The following CEP63 variants were observed in gnomAD, a reference collection of about 807,000 sequenced individuals.
The protein encoded by CEP63 is centrosomal protein 63.
A neutral mutation model predicts 89.1 loss-of-function variants in CEP63; 84 were observed. The observed-to-expected ratio is 0.94, with a 90% CI of 0.79 to 1.13. CEP63 has a LOEUF of 1.13. Ranked by LOEUF, CEP63 falls within the 50% of genes most tolerant of loss-of-function variation. The pLI is 0.00. For synonymous variants in CEP63, 267 were observed against 272.5 expected (o/e 0.98, Z 0.20); for missense variants, 838 against 813.3 (o/e 1.03, Z -0.37).
At chr3:134,523,640 T>C (rs1947989450) in intron 3 of CEP63, among the ~76,000 whole-genome samples, 1 of 152,194 alleles carries the variant, frequency 6.6e-6, no homozygotes, top group East Asian at 1.9e-4. Flanking sequence ...GTTTATTGAA[T>C]AGGGAGTCCT....
chr3:134,694,707 CA>C, the CEP63 span, among the ~76,000 whole-genome samples: 5 of 152,194 alleles, frequency 3.3e-5, no homozygotes, highest in Non-Finnish European at 7.3e-5. Context: ...AGTGTGGTCT[CA>C]TTTTGCTCTT....
the CEP63 span, among the ~76,000 whole-genome samples, chr3:134,766,895 C>G: frequency 6.6e-6 from 1 of 152,352 alleles, no homozygotes; most frequent in East Asian, 1.9e-4. Flanking sequence ...CTGAACCCCC[C>G]TGACCAACCC....
rs1935180462 is a variant in CEP63 at position 134,486,104 on chromosome 3, A to G, written c.-124A>G. 4 of 985,360 alleles carry G rather than the reference A, an allele frequency of 4.1e-6. No homozygotes were observed. The highest frequency in any genetic ancestry group is 3.6e-6 in the Non-Finnish European group (3 of 830,036). 61.0% of individuals were successfully genotyped at this position (985,360 alleles called of 1,614,324 possible). A position where few individuals can be genotyped will look rare whatever the true frequency, so the allele number is the denominator to read the frequency against. On this transcript the variant is annotated 5_prime_UTR_variant, in exon 1 of 15. Coordinates refer to ENST00000675561, the MANE Select transcript of CEP63 (RefSeq NM_001353108.3). ...GAAGTCTGGAGAAGGCATTGTTTCA[A>G]TTATTAAAAGTGTGGGGGCAGTGGG...
the CEP63 span, chr3:134,604,484 G>T: frequency 6.3e-7 from 1 of 1,595,064 alleles, no homozygotes; most frequent in Non-Finnish European, 8.6e-7. Flanking sequence ...ACTGAGGAGA[G>T]AAAGTCAGGG....
intron 8 of CEP63, 105 bp from the exon 9 acceptor site, chr3:134,547,230 G>A (rs1953575471): frequency 9.6e-7 from 1 of 1,039,780 alleles, no homozygotes; most frequent in Non-Finnish European, 1.5e-6. Flanking sequence ...AACTTGAAGA[G>A]TTCCAAAGAG....
intron 6 of CEP63, among the ~76,000 whole-genome samples, chr3:134,538,612 C>CT (rs1366494379): frequency 6.9e-6 from 1 of 144,436 alleles, no homozygotes; most frequent in African/African-American, 2.5e-5. Flanking sequence ...GAGATGAGGT[C>CT]TTGCTGCATT....
the CEP63 span, among the ~76,000 whole-genome samples, chr3:134,635,899 A>G: frequency 6.6e-6 from 1 of 152,154 alleles, no homozygotes; most frequent in African/African-American, 2.4e-5. Context: ...TAGTAAACAT[A>G]TTTTTCATAA....
the CEP63 span, among the ~76,000 whole-genome samples, chr3:134,752,325 C>A: frequency 6.6e-6 from 1 of 152,128 alleles, no homozygotes; most frequent in African/African-American, 2.4e-5. Flanking sequence ...CCAGGTGTGG[C>A]CATTACCACA....
the CEP63 span, among the ~76,000 whole-genome samples, chr3:134,703,159 G>A: frequency 4.6e-5 from 7 of 151,882 alleles, no homozygotes; most frequent in Admixed American, 3.3e-4. Context: ...AGCCAGGCGT[G>A]GTGGTGGGTG....
intron 10 of CEP63, among the ~76,000 whole-genome samples, chr3:134,585,173 G>A (rs556733209): frequency 3.9e-5 from 6 of 151,940 alleles, no homozygotes; most frequent in African/African-American, 1.4e-4. Flanking sequence ...AGGGATTTTT[G>A]TGTCCCTATC....
the CEP63 span, among the ~76,000 whole-genome samples, chr3:134,642,471 C>T: frequency 2.6e-5 from 4 of 152,204 alleles, no homozygotes; most frequent in African/African-American, 9.7e-5. Flanking sequence ...AACCTGGCCT[C>T]CTGTCACCAT....
the CEP63 span, among the ~76,000 whole-genome samples, chr3:134,614,598 A>G: frequency 2.6e-5 from 4 of 152,144 alleles, no homozygotes; most frequent in Admixed American, 2.0e-4. Flanking sequence ...GCAGAAGGCA[A>G]TGTCATTACC....
In CEP63 at chr3:134,546,234, A is replaced by C. The variant is rs960269083; in HGVS notation, c.875A>C (p.Lys292Thr). The change falls in exon 8 of 15, where the codon AAG (lysine) becomes ACG (threonine). Residue 292 changes from lysine (K) to threonine (T), a missense_variant. Lys to Thr is a moderately conservative substitution (Grantham distance 78). Coordinates refer to ENST00000675561, the MANE Select transcript of CEP63 (RefSeq NM_001353108.3). Reference protein sequence around the residue: ...LIHEARIQKEKLQEKVKATNT... With the variant: ...LIHEARIQKETLQEKVKATNT... ...CATGAGGCCAGAATACAAAAGGAGA[A>C]GTTACAAGAAAAAGTAAAGGCAACT... 1.2e-6 allele frequency: 2 copies of C among 1,613,808 alleles called. No individual in the cohort carries two copies. The highest frequency in any genetic ancestry group is 1.3e-5 in the African/African-American group (1 of 74,932).
chr3:134,522,850 G>A (rs1947776975), intron 3 of CEP63, among the ~76,000 whole-genome samples: 1 of 152,160 alleles, frequency 6.6e-6, no homozygotes, highest in Admixed American at 6.6e-5. Context: ...TGTGAATAGT[G>A]CTGCGGTGAA....
chr3:134,652,200 T>C, the CEP63 span, among the ~76,000 whole-genome samples: 48 of 152,214 alleles, frequency 3.2e-4, no homozygotes, highest in African/African-American at 1.1e-3. Context: ...CTCACATGGC[T>C]GTTGTGAGAA....
chr3:134,607,587 C>T, the CEP63 span: 12 of 985,498 alleles, frequency 1.2e-5, no homozygotes, highest in Non-Finnish European at 1.4e-5. Context: ...GCTGTGTGCC[C>T]AGCACTGGAT....
At chr3:134,493,441 G>A (rs1193950071) in intron 1 of CEP63, among the ~76,000 whole-genome samples, 1 of 151,722 alleles carries the variant, frequency 6.6e-6, no homozygotes, top group Non-Finnish European at 1.5e-5. Flanking sequence ...TAGTTGGACT[G>A]TATTGTGATT....
At chr3:134,718,838 G>A in the CEP63 span, among the ~76,000 whole-genome samples, 3 of 152,124 alleles carry the variant, frequency 2.0e-5, no homozygotes, top group African/African-American at 7.2e-5. Context: ...CACTTTCCTC[G>A]CTGGGATGGA....
At chr3:134,513,818 G>A (rs1226512627) in intron 3 of CEP63, among the ~76,000 whole-genome samples, 2 of 152,132 alleles carry the variant, frequency 1.3e-5, no homozygotes, top group Non-Finnish European at 2.9e-5. Context: ...TTAAACTTAA[G>A]AGTGCTACTG....
Sources: allele counts gnomAD v4.1 joint callset (sites outside exome capture counted in the v4.1 genomes callset), GRCh38; gene constraint gnomAD v4.1.1; transcripts MANE v1.5; gene names NCBI Gene and HGNC (gene_info 2026-07-23, HGNC 2026-07-21).